Variants in HERC4 observed in about 807,000 individuals in gnomAD.
The protein encoded by HERC4 is HECT and RLD domain containing E3 ubiquitin protein ligase 4, also known as probable E3 ubiquitin-protein ligase HERC4.
A neutral mutation model predicts 124.3 loss-of-function variants in HERC4; 28 were observed. The ratio of observed to expected loss-of-function variants is 0.23; its 90% CI spans 0.17 to 0.31. The LOEUF (loss-of-function observed/expected upper bound fraction) is 0.31. HERC4 is among the 10% of genes least tolerant of loss of function. The pLI is 1.00. For missense variants in HERC4, 713 were observed against 1,229.3 expected, an observed-to-expected ratio of 0.58 and a Z score of 6.28; for synonymous variants, 407 against 421.5, an observed-to-expected ratio of 0.97 and a Z score of 0.42.
intron 4 of HERC4, among the ~76,000 whole-genome samples, chr10:68,043,724 G>GTGAA (rs1289855391): frequency 6.6e-6 from 1 of 152,090 alleles, no homozygotes; most frequent in Admixed American, 6.6e-5. Context: ...GCTGAGGCAG[G>GTGAA]TGAATCGCTT....
At chr10:67,927,407 TATATATATATATATATATA>T (rs1479284325) in intron 23 of HERC4, among the ~76,000 whole-genome samples, 20 of 10,702 alleles carry the variant, frequency 1.9e-3, no homozygotes, top group Middle Eastern at 0.021. Flanking sequence ...TATATATATA[TATATATATATATATATATA>T]TATATTTTTT....
chr10:68,022,916 T>C (rs1429417574), intron 8 of HERC4, among the ~76,000 whole-genome samples: 9 of 151,708 alleles, frequency 5.9e-5, no homozygotes, highest in Admixed American at 5.9e-4. Flanking sequence ...TCAACAAGTA[T>C]ATAAAAATAT....
chr10:67,960,211 A>G (rs1272970962), intron 16 of HERC4, among the ~76,000 whole-genome samples: 1 of 152,210 alleles, frequency 6.6e-6, no homozygotes, highest in African/African-American at 2.4e-5. Flanking sequence ...TTGGCTAGAA[A>G]TACTCTGTAT....
chr10:67,960,817 G>A (rs1369977904), intron 16 of HERC4: 1 of 261,802 alleles, frequency 3.8e-6, no homozygotes, highest in Non-Finnish European at 7.3e-6. Context: ...GGTTTTCCCA[G>A]TTCAAACTTG....
chr10:67,983,173 T>C (rs141760333), intron 15 of HERC4, among the ~76,000 whole-genome samples: 2 of 151,714 alleles, frequency 1.3e-5, no homozygotes, highest in Admixed American at 1.3e-4. Flanking sequence ...TACAGTAAGA[T>C]ATCTCACCCC....
rs1375062953 is a variant in HERC4, at chr10:68,038,183, A to C, written c.387-14T>G. ...CTTTTAATATTTCTAGAAAAGAAGA[A>C]GACAGATCAAGACCAGTTAATTCCA... is the stretch of plus-strand genomic sequence containing the variant. On this transcript the variant is annotated splice_polypyrimidine_tract_variant and intron_variant, in intron 4 of 24. Coordinates refer to ENST00000373700, the MANE Select transcript of HERC4 (RefSeq NM_015601.4). The C allele has an allele frequency of 2.3e-6, 3 of 1,296,272 alleles. No individual in the cohort carries two copies. Among genetic ancestry groups the C allele is most frequent in the African/African-American group, 3.1e-5 (2 of 64,892 alleles). The allele number at this position is 1,296,272 out of a possible 1,614,324, so 80.3% of individuals were successfully genotyped here.
intron 3 of HERC4, among the ~76,000 whole-genome samples, chr10:68,061,532 CAAAAAAAAA>C (rs59169970): frequency 2.1e-4 from 3 of 13,990 alleles, no homozygotes; most frequent in Admixed American, 9.5e-4. Flanking sequence ...GACTCCGTCT[CAAAAAAAAA>C]AAAAAAAAAA....
At chr10:68,002,502 G>A (rs2037289551) in intron 9 of HERC4, among the ~76,000 whole-genome samples, 1 of 151,474 alleles carries the variant, frequency 6.6e-6, no homozygotes, top group Non-Finnish European at 1.5e-5. Flanking sequence ...AATCAGCTCT[G>A]CAAGAATAAT....
chr10:68,044,536 T>C lies in HERC4; in HGVS notation c.254A>G (p.Asn85Ser). Residue 85 changes from asparagine (N) to serine (S), a missense_variant, in exon 4 of 25, where the codon AAT becomes AGT. Physicochemically the swap from Asn to Ser is conservative, Grantham distance 46 (BLOSUM62 1). Coordinates refer to ENST00000373700, the MANE Select transcript of HERC4 (RefSeq NM_015601.4). The part of the protein sequence containing the change: ...PEQVVALDAQ[N>S]IVAVSCGEAH... ...TTCTCCACATGAAACAGCTACAATA[T>C]TTTGGGCATCCAGGGCAACAACCTG... is the stretch of plus-strand genomic sequence containing the variant. The C allele has an allele frequency of 6.2e-7, 1 of 1,613,968 alleles. No homozygotes were observed. Among genetic ancestry groups the C allele is most frequent in the Non-Finnish European group, 8.5e-7 (1 of 1,179,976 alleles).
chr10:67,992,379 A>G, intron 10 of HERC4, 56 bp from the exon 11 acceptor site: 1 of 1,571,876 alleles, frequency 6.4e-7, no homozygotes, highest in South Asian at 1.2e-5. Flanking sequence ...TAACTCAAAA[A>G]CCAAGAAATT....
Position 67,990,197 on chromosome 10 carries a change from A to G in HERC4, c.1633+14T>C, listed in dbSNP as rs2036476430. On this transcript the variant is annotated intron_variant, in intron 14 of 24. Transcript: ENST00000373700. ...GAGAAAAGGTTTCAAAAGAAAAAAT[A>G]TTAGAATTCTTACCAAGTACTTTCA... 4 of 1,573,366 alleles carry G rather than the reference A, an allele frequency of 2.5e-6. No homozygotes were observed. The highest frequency in any genetic ancestry group is 2.4e-5 in the South Asian group (2 of 82,954).
At chr10:68,070,075 A>C (rs1333586252) in intron 3 of HERC4, 2 of 983,998 alleles carry the variant, frequency 2.0e-6, no homozygotes, top group Non-Finnish European at 2.4e-6. Flanking sequence ...CAAAACAAAA[A>C]CCTCCTGGGA....
Position 67,922,849 on chromosome 10 carries a change from C to T in HERC4, c.*82G>A. 1.0e-6 allele frequency: 1 copy of T among 956,444 alleles called. No individual in the cohort carries two copies. The highest frequency in any genetic ancestry group is 2.4e-5 in the East Asian group (1 of 41,570). 59.2% of individuals were successfully genotyped at this position (956,444 alleles called of 1,614,324 possible). ...GTAAGAATTATAATAGTACCTCTGT[C>T]ACCTTGCTGAATTCATCACCACAAG... On this transcript the variant is annotated 3_prime_UTR_variant, in exon 25 of 25. Transcript: ENST00000373700.
chr10:68,038,238 TGTTA>T, intron 4 of HERC4, 69 bp from the exon 5 acceptor site: 2 of 724,770 alleles, frequency 2.8e-6, no homozygotes, highest in Non-Finnish European at 4.5e-6. Context: ...ATGCTATTTA[TGTTA>T]TTTATTGATG....
At chr10:67,995,444 C>T (rs1338968724) in intron 9 of HERC4, among the ~76,000 whole-genome samples, 3 of 152,062 alleles carry the variant, frequency 2.0e-5, no homozygotes, top group African/African-American at 7.2e-5. Context: ...TTCAAATTTG[C>T]ATTTCTTTGA....
chr10:68,059,855 C>CATA (rs1342377013), intron 3 of HERC4, among the ~76,000 whole-genome samples: 2,016 of 38,948 alleles, frequency 0.052, 311 homozygotes, highest in South Asian at 0.098. Context: ...TATTATATAT[C>CATA]ATAATATTAT....
At chr10:68,002,839 A>G (rs1328668191) in intron 9 of HERC4, among the ~76,000 whole-genome samples, 1 of 152,022 alleles carries the variant, frequency 6.6e-6, no homozygotes, top group Non-Finnish European at 1.5e-5. Flanking sequence ...ATCTCAAGTG[A>G]TGTGCATACC....
chr10:68,014,296 A>G, intron 8 of HERC4, 110 bp from the exon 9 acceptor site: 1 of 955,416 alleles, frequency 1.0e-6, no homozygotes, highest in Non-Finnish European at 1.5e-6. Context: ...CAAAAAATTA[A>G]TAAAACCAAT....
At chr10:68,036,821 C>A (rs1284604357) in intron 5 of HERC4, among the ~76,000 whole-genome samples, 1 of 151,928 alleles carries the variant, frequency 6.6e-6, no homozygotes, top group Non-Finnish European at 1.5e-5. Context: ...TAATCCCCTC[C>A]TTATTATTAC....
Sources: gnomAD v4.1 joint callset for allele counts (sites outside exome capture counted in the v4.1 genomes callset) on GRCh38, gnomAD v4.1.1 for gene constraint, MANE v1.5 for transcripts, NCBI Gene and HGNC (gene_info 2026-07-23, HGNC 2026-07-21) for gene names.